LONRF2: variants seen among roughly 807,000 people sequenced by gnomAD.
LONRF2 encodes LON peptidase N-terminal domain and RING finger protein 2.
Under a neutral mutation model 66.6 loss-of-function variants are expected in LONRF2, and 35 were observed. That is an observed-to-expected ratio of 0.53 (90% confidence interval 0.40 to 0.70). LONRF2 has a LOEUF of 0.70. Among genes scored for constraint, LONRF2 ranks in the 30% least tolerant of loss-of-function variants. The pLI, the probability that LONRF2 is intolerant of heterozygous loss-of-function variation, is 0.00. For synonymous variants in LONRF2, 417 were observed against 418.1 expected, an observed-to-expected ratio of 1.00 and a Z score of 0.03; for missense variants, 902 against 1,002.1, an observed-to-expected ratio of 0.90 and a Z score of 1.35.
In LONRF2 at chr2:100,321,721, G is replaced by A; in HGVS notation, c.373C>T (p.Pro125Ser). The change falls in exon 1 of 12, where the codon CCC becomes TCC. Residue 125 changes from proline (P) to serine (S), a missense_variant. Pro to Ser is a moderately conservative substitution (Grantham distance 74). Transcript: ENST00000393437. ...TCCGGGGCCGGCCCTCCCTCGCCGGGCGCCTCGGGCTCGCCGCCCGGGTTC... is the reference window on the plus strand; with the variant it reads ...TCCGGGGCCGGCCCTCCCTCGCCGGACGCCTCGGGCTCGCCGCCCGGGTTC... ...AENPGGEPEA[P>S]GEGGPAPEPR... The A allele has an allele frequency of 8.7e-7, 1 of 1,150,760 alleles. No homozygotes were observed. Among genetic ancestry groups the A allele is most frequent in the South Asian group, 4.2e-5 (1 of 23,678 alleles). The allele number at this position is 1,150,760 out of a possible 1,614,324, so 71.3% of individuals were successfully genotyped here. A position where few individuals can be genotyped will look rare whatever the true frequency, so the allele number is the denominator to read the frequency against.
intron 10 of LONRF2, 40 bp from the exon 11 acceptor site, chr2:100,287,103 A>C (rs1443254716): frequency 6.3e-7 from 1 of 1,590,256 alleles, no homozygotes; most frequent in South Asian, 1.1e-5. Flanking sequence ...AACCATTCAC[A>C]GTAATGCACG....
In LONRF2 at chr2:100,279,849, G is replaced by T. The variant is rs13031270; in HGVS notation, c.*4449C>A. On this transcript the variant is annotated 3_prime_UTR_variant, in exon 12 of 12. Coordinates refer to ENST00000393437, the MANE Select transcript of LONRF2 (RefSeq NM_198461.4). ...CTTAGCTATTTCCCTGCCCTTTCCT[G>T]CAGAACATACAGTAGAGGGTCTGAG... 0.62 allele frequency: 94,948 copies of T among 151,984 alleles called. 30,208 individuals carry two copies. Among genetic ancestry groups the T allele is most frequent in the East Asian group, 0.94 (4,848 of 5,150 alleles). The allele number at this position is 151,984 out of a possible 1,614,324, so 9.4% of individuals were successfully genotyped here.
At position 100,322,166 on chromosome 2, in the gene LONRF2, T is replaced by C; in HGVS notation, c.-73A>G. 5.5e-6 allele frequency: 6 copies of C among 1,096,278 alleles called. No homozygotes were observed. Among genetic ancestry groups the C allele is most frequent in the Non-Finnish European group, 6.7e-6 (6 of 901,966 alleles). The allele number at this position is 1,096,278 out of a possible 1,614,324, so 67.9% of individuals were successfully genotyped here. A position where few individuals can be genotyped will look rare whatever the true frequency, so the allele number is the denominator to read the frequency against. On this transcript the variant is annotated 5_prime_UTR_variant, in exon 1 of 12. Coordinates refer to ENST00000393437, the MANE Select transcript of LONRF2 (RefSeq NM_198461.4). ...GGGAGGATGCGCTGCTGCTGGGAAC[T>C]GGCCGGCGGGAGCGCGGTCTCAGCC... is the stretch of plus-strand genomic sequence containing the variant.
intron 10 of LONRF2, among the ~76,000 whole-genome samples, chr2:100,287,982 A>G (rs1271005782): frequency 6.6e-6 from 1 of 152,186 alleles, no homozygotes; most frequent in Non-Finnish European, 1.5e-5. Flanking sequence ...ACCACCCTCA[A>G]TTTGATTTAT....
chr2:100,308,999 A>G, intron 2 of LONRF2, 108 bp downstream of exon 2: 1 of 698,536 alleles, frequency 1.4e-6, no homozygotes, highest in Non-Finnish European at 2.4e-6. Flanking sequence ...AATGTGAGGG[A>G]AACATACTTT....
At position 100,290,430 on chromosome 2, in the gene LONRF2, CAGTT is replaced by C. The variant is rs1355707872; in HGVS notation, c.1758-14_1758-11del. On this transcript the variant is annotated splice_polypyrimidine_tract_variant and intron_variant, in intron 9 of 11. Transcript: ENST00000393437. ...TCCATACTCTGAAAGCCTGAAAAGACAGTTAGGAGAAATGACTGTGATTTTTAAA... is the reference window on the plus strand; with the variant it reads ...TCCATACTCTGAAAGCCTGAAAAGACAGGAGAAATGACTGTGATTTTTAAA... 1.1e-5 allele frequency: 18 copies of C among 1,597,060 alleles called. No individual in the cohort carries two copies. In the African/African-American group the frequency reaches 1.5e-4, roughly 13 times the overall value.
intron 5 of LONRF2, 131 bp downstream of exon 5, chr2:100,299,586 A>C: frequency 1.4e-6 from 1 of 732,396 alleles, no homozygotes. Flanking sequence ...ATGCTCTATA[A>C]TCTTAGAGCT....
Position 100,281,098 on chromosome 2 carries a change from T to A in LONRF2, c.*3200A>T, listed in dbSNP as rs1221820446. 1 of 152,096 alleles carries A rather than the reference T, an allele frequency of 6.6e-6. No homozygotes were observed. Among genetic ancestry groups the A allele is most frequent in the Non-Finnish European group, 1.5e-5 (1 of 68,024 alleles). 9.4% of individuals were successfully genotyped at this position (152,096 alleles called of 1,614,324 possible). On this transcript the variant is annotated 3_prime_UTR_variant, in exon 12 of 12. Coordinates refer to ENST00000393437, the MANE Select transcript of LONRF2 (RefSeq NM_198461.4). ...ATTCTATGTAACACAGGCAATGGAG[T>A]ATTTCGATGGTAGCAACTGCCAATT...
chr2:100,285,095 C>T (rs2309823), intron 11 of LONRF2, among the ~76,000 whole-genome samples: 112,745 of 152,216 alleles, frequency 0.74, 42,907 homozygotes, highest in East Asian at 0.96. Context: ...ATCATAAACT[C>T]GTTCTCAATA....
At chr2:100,286,858 C>T in intron 11 of LONRF2, 56 bp downstream of exon 11, 4 of 1,571,348 alleles carry the variant, frequency 2.5e-6, no homozygotes, top group Non-Finnish European at 3.5e-6. Flanking sequence ...AGAATGATGG[C>T]TCAGCACACT....
chr2:100,294,552 A>T (rs73966453), intron 8 of LONRF2, among the ~76,000 whole-genome samples, 165 bp from the exon 9 acceptor site: 5,284 of 152,262 alleles, frequency 0.035, 268 homozygotes, highest in South Asian at 0.17. Flanking sequence ...AGCATGTGAA[A>T]ATTCTCTGCT....
rs116511743 is a variant in LONRF2, at chr2:100,281,654, C to G, written c.*2644G>C. ...CTCAAGAAGAAAAATGACTCCCCCA[C>G]GCTGCTATTACTCTTTTCTGCTTTG... On this transcript the variant is annotated 3_prime_UTR_variant, in exon 12 of 12. Coordinates refer to ENST00000393437, the MANE Select transcript of LONRF2 (RefSeq NM_198461.4). 2 of 152,212 alleles carry G rather than the reference C, an allele frequency of 1.3e-5. No individual in the cohort carries two copies. The highest frequency in any genetic ancestry group is 1.3e-4 in the Admixed American group (2 of 15,300). 9.4% of individuals were successfully genotyped at this position (152,212 alleles called of 1,614,324 possible).
At chr2:100,292,172 A>T (rs764828) in intron 9 of LONRF2, among the ~76,000 whole-genome samples, 5 of 151,988 alleles carry the variant, frequency 3.3e-5, no homozygotes, top group Non-Finnish European at 7.4e-5. Context: ...GTGAAACTGG[A>T]GGCGCCCTGA....
intron 1 of LONRF2, among the ~76,000 whole-genome samples, chr2:100,314,898 T>A (rs897581972): frequency 6.6e-6 from 1 of 152,238 alleles, no homozygotes; most frequent in African/African-American, 2.4e-5. Context: ...TTATAGTAAG[T>A]ATTGGAATCT....
chr2:100,299,333 A>G lies in LONRF2; in HGVS notation c.1268-14T>C. On this transcript the variant is annotated splice_polypyrimidine_tract_variant and intron_variant, in intron 5 of 11. Coordinates refer to ENST00000393437, the MANE Select transcript of LONRF2 (RefSeq NM_198461.4). ...GAAGTGAGAGATCTGAATGCGAAAAAATTTAAAACGCTGTAATTAACACCT... is the reference window on the plus strand; with the variant it reads ...GAAGTGAGAGATCTGAATGCGAAAAGATTTAAAACGCTGTAATTAACACCT... 1 of 1,506,378 alleles carries G rather than the reference A, an allele frequency of 6.6e-7. No individual in the cohort carries two copies. Among genetic ancestry groups the G allele is most frequent in the Non-Finnish European group, 9.0e-7 (1 of 1,111,228 alleles). The allele number at this position is 1,506,378 out of a possible 1,614,324, so 93.3% of individuals were successfully genotyped here.
intron 3 of LONRF2, 137 bp downstream of exon 3, chr2:100,302,783 GC>G: frequency 1.3e-6 from 1 of 783,532 alleles, no homozygotes. Flanking sequence ...TACAATTATT[GC>G]CATGCGTTTT....
chr2:100,297,229 C>T (rs970948256), intron 7 of LONRF2, among the ~76,000 whole-genome samples: 12 of 152,036 alleles, frequency 7.9e-5, no homozygotes, highest in South Asian at 4.2e-4. Context: ...CCCGGGTTCA[C>T]GCCATTCTCC....
intron 7 of LONRF2, among the ~76,000 whole-genome samples, chr2:100,297,292 C>T (rs1034530782): frequency 8.9e-6 from 1 of 112,240 alleles, no homozygotes; most frequent in Non-Finnish European, 1.7e-5. Flanking sequence ...CCATACCTGG[C>T]TAATTTTGTT....
At chr2:100,294,006 G>T (rs1178720470) in intron 9 of LONRF2, among the ~76,000 whole-genome samples, 1 of 152,184 alleles carries the variant, frequency 6.6e-6, no homozygotes. Flanking sequence ...AGGGCAAGTA[G>T]CATGGCAATG....
Sources: allele counts gnomAD v4.1 joint callset (sites outside exome capture counted in the v4.1 genomes callset), GRCh38; gene constraint gnomAD v4.1.1; transcripts MANE v1.5; gene names NCBI Gene and HGNC (gene_info 2026-07-23, HGNC 2026-07-21).